NUP35: variants seen among roughly 807,000 people sequenced by gnomAD.
NUP35 encodes the protein nucleoporin NUP35.
In NUP35, 25 loss-of-function variants were observed where a neutral mutation model predicts 41.5. That is an observed-to-expected ratio of 0.60 (90% CI 0.44 to 0.84). The LOEUF is 0.84. Among genes scored for constraint, NUP35 ranks in the 40% least tolerant of loss-of-function variants. The probability of loss-of-function intolerance (pLI) is 0.00; values close to 1 mark genes in which losing one functional copy is unlikely to be tolerated. For missense variants in NUP35, 396 were observed against 396.6 expected (o/e 1.00, Z 0.01); for synonymous variants, 149 against 130.7 (o/e 1.14, Z -0.96).
At chr2:183,150,331 A>G (rs895767245) in intron 4 of NUP35, among the ~76,000 whole-genome samples, 1 of 152,248 alleles carries the variant, frequency 6.6e-6, no homozygotes, top group Admixed American at 6.5e-5. Context: ...GTTTTTCTTC[A>G]TGATCCGGCA....
chr2:183,159,623 G>C lies in NUP35; in HGVS notation c.874G>C (p.Ala292Pro). 6.2e-7 allele frequency: 1 copy of C among 1,613,084 alleles called. No individual in the cohort carries two copies. ...RISTMRPLAT[A>P]YKASTSDYQV... is the part of the protein sequence containing the mutation. Reference sequence around the variant, plus strand: ...TTCTACCATGAGACCTCTTGCTACAGCATACAAAGCCTCTACTAGTGATTA... The same window carrying C: ...TTCTACCATGAGACCTCTTGCTACACCATACAAAGCCTCTACTAGTGATTA... Residue 292 changes from alanine (A) to proline (P), a missense_variant, in exon 8 of 9, where the codon GCA (alanine) becomes CCA (proline). Transcript: ENST00000295119.
chr2:183,159,666 T>C lies in NUP35; in HGVS notation c.903+14T>C. 1 of 1,603,720 alleles carries C rather than the reference T, an allele frequency of 6.2e-7. No individual in the cohort carries two copies. The highest frequency in any genetic ancestry group is 2.2e-5 in the East Asian group (1 of 44,710). On this transcript the variant is annotated intron_variant, in intron 8 of 8. Coordinates refer to ENST00000295119, the MANE Select transcript of NUP35 (RefSeq NM_138285.5). The stretch of plus-strand genomic sequence containing the variant: ...AGTGATTATCAGGTATTTTAAGGAT[T>C]GGATAAAAAAAGATGTACTTTAATG...
chr2:183,152,229 C>T (rs1163350988), intron 5 of NUP35, among the ~76,000 whole-genome samples: 1 of 151,172 alleles, frequency 6.6e-6, no homozygotes, highest in Non-Finnish European at 1.5e-5. Context: ...GTCCTTGTTA[C>T]ATTTTTGAAT....
chr2:183,145,398 G>T (rs1167837699), intron 4 of NUP35, among the ~76,000 whole-genome samples: 2 of 152,128 alleles, frequency 1.3e-5, no homozygotes, highest in Non-Finnish European at 2.9e-5. Flanking sequence ...TTATGCTGGT[G>T]CTCCAAAAGT....
intron 5 of NUP35, among the ~76,000 whole-genome samples, chr2:183,152,290 G>C (rs988595994): frequency 6.6e-6 from 1 of 152,004 alleles, no homozygotes; most frequent in East Asian, 1.9e-4. Context: ...TAAAAAAAAT[G>C]CTTTTTTATT....
At chr2:183,159,424 G>A (rs1685787099) in intron 7 of NUP35, 64 bp from the exon 8 acceptor site, 1 of 1,184,320 alleles carries the variant, frequency 8.4e-7, no homozygotes, top group Admixed American at 2.5e-5. Flanking sequence ...TTCTAAGTAG[G>A]ATGTAATACT....
intron 1 of NUP35, among the ~76,000 whole-genome samples, chr2:183,127,943 G>A (rs1384622879): frequency 6.6e-6 from 1 of 151,974 alleles, no homozygotes; most frequent in East Asian, 1.9e-4. Flanking sequence ...GCGTGGTGGT[G>A]CAGGCCTGTA....
upstream of NUP35, among the ~76,000 whole-genome samples, chr2:183,122,251 AT>A (rs1460808003): frequency 5.9e-4 from 88 of 150,394 alleles, no homozygotes; most frequent in Middle Eastern, 6.8e-3. Flanking sequence ...TAATTTTTGT[AT>A]TTTTTAGTAG....
At chr2:183,147,299 T>G (rs1313358363) in intron 4 of NUP35, among the ~76,000 whole-genome samples, 1 of 152,248 alleles carries the variant, frequency 6.6e-6, no homozygotes, top group Non-Finnish European at 1.5e-5. Context: ...AGAAGAGGTT[T>G]TTCAAGGTTT....
chr2:183,158,304 A>G lies in NUP35; in HGVS notation c.631A>G (p.Met211Val), dbSNP rs1685745709. 1.3e-6 allele frequency: 2 copies of G among 1,595,552 alleles called. No individual in the cohort carries two copies. ...KHVMSNTGNWMHIRYQSKLQA... is the reference protein window; with the variant it reads ...KHVMSNTGNWVHIRYQSKLQA... Reference sequence around the variant, plus strand: ...GCAGATGTCTAATACAGGAAATTGGATGCATATTCGTTATCAATCTAAACT... The same window carrying G: ...GCAGATGTCTAATACAGGAAATTGGGTGCATATTCGTTATCAATCTAAACT... Residue 211 changes from methionine to valine, a missense_variant, in exon 7 of 9, where the codon ATG becomes GTG. Transcript: ENST00000295119.
rs770715723 is a variant in NUP35, at chr2:183,158,379, A to C, written c.706A>C (p.Ile236Leu). ...SKDGRIFGES[I>L]MIGVKPCIDK... Reference sequence around the variant, plus strand: ...AGATGGGAGGATTTTTGGAGAATCCATCATGATTGGTGTAAAACCATGTAT... The same window carrying C: ...AGATGGGAGGATTTTTGGAGAATCCCTCATGATTGGTGTAAAACCATGTAT... Residue 236 changes from isoleucine (I) to leucine (L), a missense_variant, in exon 7 of 9, where the codon ATC (isoleucine) becomes CTC (leucine). Coordinates refer to ENST00000295119, the MANE Select transcript of NUP35 (RefSeq NM_138285.5). 3.1e-6 allele frequency: 5 copies of C among 1,608,726 alleles called. No individual in the cohort carries two copies. The highest frequency in any genetic ancestry group is 4.2e-6 in the Non-Finnish European group (5 of 1,176,574).
At chr2:183,118,534 C>T (rs1700021786) in intron 1 of NUP35, 1 of 152,138 alleles carries the variant, frequency 6.6e-6, no homozygotes, top group African/African-American at 2.4e-5. Context: ...AGATAATTAT[C>T]CTTTGTTTAA....
intron 4 of NUP35, among the ~76,000 whole-genome samples, chr2:183,138,546 C>T (rs1684973637): frequency 1.3e-5 from 2 of 151,794 alleles, no homozygotes; most frequent in Admixed American, 1.3e-4. Context: ...AATAGGAAAT[C>T]TGGATTAAAG....
chr2:183,146,592 C>T (rs993633932), intron 4 of NUP35, among the ~76,000 whole-genome samples: 2 of 151,734 alleles, frequency 1.3e-5, no homozygotes, highest in Non-Finnish European at 2.9e-5. Flanking sequence ...TTCTTACATT[C>T]TTATTTTTTG....
At chr2:183,119,268 G>T (rs1174957762) in intron 1 of NUP35, among the ~76,000 whole-genome samples, 8 of 152,174 alleles carry the variant, frequency 5.3e-5, no homozygotes, top group Non-Finnish European at 1.5e-5. Flanking sequence ...TGCCTGAATA[G>T]CTACCTACTG....
chr2:183,157,640 T>C (rs1685718039), intron 6 of NUP35, 127 bp downstream of exon 6: 1 of 659,120 alleles, frequency 1.5e-6, no homozygotes, highest in Non-Finnish European at 2.6e-6. Context: ...TTTGATATAA[T>C]ACATCCTTTG....
rs1243561802 is a variant in NUP35 at position 183,158,473 on chromosome 2, T to C, written c.738+62T>C. The C allele has an allele frequency of 4.2e-6, 6 of 1,420,150 alleles. No individual in the cohort carries two copies. The Admixed American group carries it at 1.4e-4, about 33-fold the overall frequency. 88.0% of individuals were successfully genotyped at this position (1,420,150 alleles called of 1,614,324 possible). A position where few individuals can be genotyped will look rare whatever the true frequency, so the allele number is the denominator to read the frequency against. On this transcript the variant is annotated intron_variant, in intron 7 of 8. Transcript: ENST00000295119. The stretch of plus-strand genomic sequence containing the variant: ...TATATGAAGAGCACAAGACCAAGGA[T>C]TGAAATTGGTCGTTGTGTCACTTGG...
intron 4 of NUP35, among the ~76,000 whole-genome samples, chr2:183,148,978 A>G (rs2675093): frequency 0.2 from 31,173 of 152,112 alleles, 3,724 homozygotes; most frequent in East Asian, 0.46. Context: ...CCCACCTTCT[A>G]TAGATAATCT....
intron 6 of NUP35, among the ~76,000 whole-genome samples, chr2:183,157,889 T>C (rs1290871761): frequency 6.6e-6 from 1 of 152,134 alleles, no homozygotes; most frequent in Non-Finnish European, 1.5e-5. Context: ...TAGAGCTTTA[T>C]AGCTCTAAAA....
Sources: allele counts gnomAD v4.1 joint callset (sites outside exome capture counted in the v4.1 genomes callset), GRCh38; gene constraint gnomAD v4.1.1; transcripts MANE v1.5; gene names NCBI Gene and HGNC (gene_info 2026-07-23, HGNC 2026-07-21).